The following TJP1 variants were observed in gnomAD, a reference collection of about 807,000 sequenced individuals.
TJP1 encodes the protein tight junction protein ZO-1.
TJP1 carries 43 observed loss-of-function variants against 194.2 expected under a neutral mutation model. That is an observed-to-expected ratio of 0.22 (90% CI 0.17 to 0.29). The LOEUF is 0.29. Ranked by LOEUF, TJP1 falls within the 10% of genes least tolerant of loss-of-function variation. The pLI, the probability that TJP1 is intolerant of heterozygous loss-of-function variation, is 1.00. For synonymous variants in TJP1, 801 were observed against 779.0 expected, an observed-to-expected ratio of 1.03 and a Z score of -0.47; for missense variants, 1,971 against 2,185.7, an observed-to-expected ratio of 0.90 and a Z score of 1.96.
Position 29,700,492 on chromosome 15 carries a change from T to G in TJP1, c.*1103A>C, listed in dbSNP as rs1355064679. The G allele has an allele frequency of 2.5e-6, 1 of 398,802 alleles. No homozygotes were observed. The highest frequency in any genetic ancestry group is 4.4e-6 in the Non-Finnish European group (1 of 226,026). 24.7% of individuals were successfully genotyped at this position (398,802 alleles called of 1,614,324 possible). On this transcript the variant is annotated 3_prime_UTR_variant, in exon 28 of 28. Transcript: ENST00000614355. ...TTGCATGTGTCATAGAAACGCTGCT[T>G]TATTGCTGCAGAGGTCAAAGTTCAA... is the stretch of plus-strand genomic sequence containing the variant.
At chr15:29,704,939 A>G (rs915033622) in intron 26 of TJP1, among the ~76,000 whole-genome samples, 33 of 152,226 alleles carry the variant, frequency 2.2e-4, no homozygotes, top group African/African-American at 8.0e-4. Flanking sequence ...TTAGGAAGTA[A>G]AAGCACTGCT....
intron 2 of TJP1, among the ~76,000 whole-genome samples, chr15:29,848,799 C>T (rs959335243): frequency 6.6e-6 from 1 of 151,738 alleles, no homozygotes; most frequent in Admixed American, 6.6e-5. Flanking sequence ...GCGGAGGTTG[C>T]AGTGAGCCGA....
At chr15:29,749,476 A>G (rs904778812) in intron 8 of TJP1, among the ~76,000 whole-genome samples, 1 of 152,198 alleles carries the variant, frequency 6.6e-6, no homozygotes, top group Admixed American at 6.5e-5. Flanking sequence ...GGCAGAGGGC[A>G]TGCAGCATGG....
chr15:29,700,608 T>C lies in TJP1; in HGVS notation c.*987A>G. Reference sequence around the variant, plus strand: ...AAAAGGTAAAGTTTATAAAAGTTAATTTACAAACCAAGAACAAAAGTGGTA... The same window carrying C: ...AAAAGGTAAAGTTTATAAAAGTTAACTTACAAACCAAGAACAAAAGTGGTA... On this transcript the variant is annotated 3_prime_UTR_variant, in exon 28 of 28. Coordinates refer to ENST00000614355, the MANE Select transcript of TJP1 (RefSeq NM_001330239.4). 1 of 395,092 alleles carries C rather than the reference T, an allele frequency of 2.5e-6. No individual in the cohort carries two copies. The highest frequency in any genetic ancestry group is 4.5e-6 in the Non-Finnish European group (1 of 224,362). 24.5% of individuals were successfully genotyped at this position (395,092 alleles called of 1,614,324 possible).
At chr15:29,808,506 A>G (rs2049265321) in intron 1 of TJP1, among the ~76,000 whole-genome samples, 1 of 152,226 alleles carries the variant, frequency 6.6e-6, no homozygotes, top group South Asian at 2.1e-4. Context: ...AATTCAAAAT[A>G]AAGTAACCTG....
chr15:29,937,052 A>G (rs1371036637), intron 2 of TJP1, among the ~76,000 whole-genome samples: 1 of 152,196 alleles, frequency 6.6e-6, no homozygotes, highest in African/African-American at 2.4e-5. Context: ...CATAATATTT[A>G]TAAGTGTTAT....
chr15:29,954,907 T>C (rs1266320701), intron 2 of TJP1, among the ~76,000 whole-genome samples: 6 of 152,134 alleles, frequency 3.9e-5, no homozygotes, highest in African/African-American at 1.4e-4. Flanking sequence ...GGTGAAACCC[T>C]GTCTCTACTA....
At chr15:29,879,407 G>A (rs1170400399) in intron 2 of TJP1, among the ~76,000 whole-genome samples, 6 of 152,184 alleles carry the variant, frequency 3.9e-5, no homozygotes, top group East Asian at 3.9e-4. Context: ...TGCCTCCGGC[G>A]CTTGCTGCCC....
intron 22 of TJP1, among the ~76,000 whole-genome samples, chr15:29,717,550 GTC>G (rs942684556): frequency 5.3e-5 from 8 of 152,040 alleles, no homozygotes; most frequent in Admixed American, 4.6e-4. Flanking sequence ...CAGCCTCAGT[GTC>G]TCTCTCTACA....
intron 14 of TJP1, 31 bp downstream of exon 14, chr15:29,732,600 G>A: frequency 1.2e-6 from 2 of 1,612,832 alleles, no homozygotes; most frequent in Non-Finnish European, 1.7e-6. Flanking sequence ...ACGTTAAAGG[G>A]TATTAGGTTA....
chr15:29,732,849 A>G (rs1222212050), intron 13 of TJP1, 34 bp from the exon 14 acceptor site: 1 of 1,540,962 alleles, frequency 6.5e-7, no homozygotes, highest in Non-Finnish European at 8.7e-7. Flanking sequence ...AAATAAGGGC[A>G]TTTAAAATGC....
At chr15:29,863,719 G>C (rs557350884) in intron 2 of TJP1, among the ~76,000 whole-genome samples, 52 of 152,270 alleles carry the variant, frequency 3.4e-4, no homozygotes, top group Non-Finnish European at 1.5e-4. Context: ...TGGGCTGGCA[G>C]TGCTGCTCTT....
chr15:29,938,668 G>T (rs754169096), intron 2 of TJP1, among the ~76,000 whole-genome samples: 12 of 152,138 alleles, frequency 7.9e-5, no homozygotes, highest in South Asian at 2.1e-4. Flanking sequence ...TCTGCCCTAA[G>T]TAACACCATT....
intron 2 of TJP1, among the ~76,000 whole-genome samples, chr15:29,793,212 T>C (rs539594918): frequency 6.6e-6 from 1 of 152,296 alleles, no homozygotes; most frequent in South Asian, 2.1e-4. Flanking sequence ...GCTTTTAGAT[T>C]CCCCCCTCAT....
intron 7 of TJP1, 66 bp downstream of exon 7, chr15:29,761,535 C>T (rs760408509): frequency 2.4e-4 from 361 of 1,510,510 alleles, no homozygotes; most frequent in Non-Finnish European, 3.0e-4. Flanking sequence ...CAAAGATGTT[C>T]AATCTCCCTA....
intron 2 of TJP1, among the ~76,000 whole-genome samples, chr15:29,897,826 A>C (rs1219411680): frequency 1.3e-5 from 2 of 152,216 alleles, no homozygotes; most frequent in South Asian, 4.1e-4. Context: ...TGTTTTGGCC[A>C]ATTTCTACCA....
At chr15:29,855,968 A>C (rs575219728) in intron 2 of TJP1, among the ~76,000 whole-genome samples, 7 of 152,370 alleles carry the variant, frequency 4.6e-5, no homozygotes, top group African/African-American at 1.7e-4. Context: ...AAGGAACAAC[A>C]TACAGCTGCA....
chr15:29,751,037 A>G (rs2151435791), intron 8 of TJP1, among the ~76,000 whole-genome samples: 1 of 152,346 alleles, frequency 6.6e-6, no homozygotes, highest in East Asian at 1.9e-4. Flanking sequence ...CATACTTAGA[A>G]TGTTGCAATC....
In TJP1 at chr15:29,799,801, C is replaced by T. The variant is rs560059646; in HGVS notation, c.84+845G>A. 2.0e-5 allele frequency among the ~76,000 whole-genome samples: 3 copies of T among 152,164 alleles called. No homozygotes were observed. In the South Asian group the frequency reaches 6.2e-4, roughly 32 times the overall value. The stretch of plus-strand genomic sequence containing the variant: ...TCGTGAGATAATCAGGGGCAGAGTC[C>T]AGCAACATGATTCTTTCCCCTTTCC... On this transcript the variant is annotated intron_variant, in intron 2 of 27. Coordinates refer to ENST00000614355, the MANE Select transcript of TJP1 (RefSeq NM_001330239.4).
Sources: gnomAD v4.1 joint callset for allele counts (sites outside exome capture counted in the v4.1 genomes callset) on GRCh38, gnomAD v4.1.1 for gene constraint, MANE v1.5 for transcripts, NCBI Gene and HGNC (gene_info 2026-07-23, HGNC 2026-07-21) for gene names.